The following GJA3 variants were observed in gnomAD, a reference collection of about 807,000 sequenced individuals.
The protein encoded by GJA3 is gap junction alpha-3 protein.
For missense variants in GJA3, 571 were observed against 620.3 expected (o/e 0.92, Z 0.84); for synonymous variants, 297 against 292.6 (o/e 1.02, Z -0.15).
chr13:20,158,643 G>A (rs1464367840), intron 1 of GJA3, among the ~76,000 whole-genome samples: 1 of 152,004 alleles, frequency 6.6e-6, no homozygotes, highest in East Asian at 1.9e-4. Flanking sequence ...TGGGCGCGGT[G>A]GCTCACGCCT....
At chr13:20,158,492 T>C (rs1958918127) in intron 1 of GJA3, among the ~76,000 whole-genome samples, 2 of 152,034 alleles carry the variant, frequency 1.3e-5, no homozygotes, top group Non-Finnish European at 2.9e-5. Context: ...TTTTTATATC[T>C]AGTATCATTA....
chr13:20,142,385 G>A lies in GJA3; in HGVS notation c.904C>T (p.Leu302=), dbSNP rs1261147295. The A allele has an allele frequency of 2.0e-6, 3 of 1,525,986 alleles. No homozygotes were observed. The highest frequency in any genetic ancestry group is 2.6e-6 in the Non-Finnish European group (3 of 1,137,178). The allele number at this position is 1,525,986 out of a possible 1,614,324, so 94.5% of individuals were successfully genotyped here. ...TGGCCCTTTCCGCGCGCCTCGGTCAGGGCTAGCAGTTTGAAGTCCGCGGCT... is the reference window on the plus strand; with the variant it reads ...TGGCCCTTTCCGCGCGCCTCGGTCAAGGCTAGCAGTTTGAAGTCCGCGGCT... ...PPAADFKLLA[L]TEARGKGQSA... Residue 302 remains leucine (L), a synonymous_variant, in exon 2 of 2, where the codon CTG becomes TTG. Transcript: ENST00000241125.
chr13:20,152,639 C>G (rs537896595), intron 1 of GJA3, among the ~76,000 whole-genome samples: 32 of 152,282 alleles, frequency 2.1e-4, no homozygotes, highest in African/African-American at 7.7e-4. Flanking sequence ...CTGCCTTGGT[C>G]TCCCAAAGTG....
In GJA3 at chr13:20,142,325, G is replaced by T; in HGVS notation, c.964C>A (p.Leu322Met). 1 of 1,571,732 alleles carries T rather than the reference G, an allele frequency of 6.4e-7. No individual in the cohort carries two copies. ...TTGGCCCAGTTCTGCTCAGTCATCA[G>T]CAGGTGGTGGTGGCCGTTGTAGAGC... is the stretch of plus-strand genomic sequence containing the variant. ...AKLYNGHHHLLMTEQNWANQA... is the reference protein window; with the variant it reads ...AKLYNGHHHLMMTEQNWANQA... Residue 322 changes from leucine (L) to methionine (M), a missense_variant, in exon 2 of 2, where the codon CTG becomes ATG. Transcript: ENST00000241125.
chr13:20,158,088 T>C (rs1161573510), intron 1 of GJA3, among the ~76,000 whole-genome samples: 2 of 152,154 alleles, frequency 1.3e-5, no homozygotes, highest in African/African-American at 4.8e-5. Flanking sequence ...TCCTCCTGCC[T>C]CAGCCTCCCA....
intron 1 of GJA3, among the ~76,000 whole-genome samples, chr13:20,159,752 G>A (rs1958926881): frequency 6.6e-6 from 1 of 152,176 alleles, no homozygotes; most frequent in South Asian, 2.1e-4. Flanking sequence ...AGCAACACAT[G>A]CATTGCCCTT....
chr13:20,159,333 T>A (rs1470506147), intron 1 of GJA3, among the ~76,000 whole-genome samples: 3 of 151,372 alleles, frequency 2.0e-5, no homozygotes, highest in African/African-American at 7.3e-5. Context: ...ATAGCTACCA[T>A]CCAGCGGAGG....
At chr13:20,154,349 AAG>A (rs1958896445) in intron 1 of GJA3, among the ~76,000 whole-genome samples, 2 of 152,206 alleles carry the variant, frequency 1.3e-5, no homozygotes, top group East Asian at 1.9e-4. Context: ...AGTTGTTCTG[AAG>A]AGTTTTTAAA....
rs149632604 is a variant in GJA3, at chr13:20,148,356, C to G, written c.-17-5051G>C. 1.8e-3 allele frequency among the ~76,000 whole-genome samples: 270 copies of G among 149,596 alleles called. 1 individual carries two copies. The highest frequency in any genetic ancestry group is 6.4e-3 in the African/African-American group (258 of 40,392). On this transcript the variant is annotated intron_variant, in intron 1 of 1. Coordinates refer to ENST00000241125, the MANE Select transcript of GJA3 (RefSeq NM_021954.4). ...TCACTGCAGCCTCAAATTCCCAGAG[C>G]TCCGGTGATTCTCCCACCTCAGCCT...
chr13:20,142,664 C>G lies in GJA3; in HGVS notation c.625G>C (p.Ala209Pro), dbSNP rs373316662. ...EKTIFIIFML[A>P]VACASLLLNM... ...AGCAGCAGGGACGCGCAGGCCACCG[C>G]CAGCATGAAGATGATGAAGATGGTC... Residue 209 changes from alanine to proline, a missense_variant, in exon 2 of 2, where the codon GCG (alanine) becomes CCG (proline). Physicochemically the swap from Ala to Pro is conservative, Grantham distance 27. Transcript: ENST00000241125. The G allele has an allele frequency of 6.2e-7, 1 of 1,613,898 alleles. No individual in the cohort carries two copies. Among genetic ancestry groups the G allele is most frequent in the African/African-American group, 1.3e-5 (1 of 75,054 alleles).
rs1008861631 is a variant in GJA3 at position 20,139,641 on chromosome 13, T to C, written c.*2340A>G. On this transcript the variant is annotated 3_prime_UTR_variant, in exon 2 of 2. Transcript: ENST00000241125. ...TCTATTGCAAAACCTCACTTCTTTA[T>C]AGATTAGTGATTTTCAAGTAGGTGA... 6.6e-6 allele frequency: 1 copy of C among 152,212 alleles called. No individual in the cohort carries two copies. Among genetic ancestry groups the C allele is most frequent in the Non-Finnish European group, 1.5e-5 (1 of 68,040 alleles). The allele number at this position is 152,212 out of a possible 1,614,324, so 9.4% of individuals were successfully genotyped here. A position where few individuals can be genotyped will look rare whatever the true frequency, so the allele number is the denominator to read the frequency against.
At chr13:20,158,579 A>G (rs1252328980) in intron 1 of GJA3, among the ~76,000 whole-genome samples, 1 of 152,056 alleles carries the variant, frequency 6.6e-6, no homozygotes, top group East Asian at 1.9e-4. Flanking sequence ...AACTATTCAC[A>G]TCAACCATTA....
chr13:20,157,780 T>C (rs1465299419), intron 1 of GJA3, among the ~76,000 whole-genome samples: 1 of 152,204 alleles, frequency 6.6e-6, no homozygotes, highest in Non-Finnish European at 1.5e-5. Context: ...CAGTCCAGAC[T>C]GTCTCAAGGG....
At chr13:20,150,419 TG>T (rs1200995622) in intron 1 of GJA3, among the ~76,000 whole-genome samples, 1 of 151,118 alleles carries the variant, frequency 6.6e-6, no homozygotes, top group African/African-American at 2.4e-5. Context: ...TCTGGCAGTG[TG>T]GGGACTAAGA....
chr13:20,144,855 G>A (rs1958832785), intron 1 of GJA3, among the ~76,000 whole-genome samples: 1 of 152,222 alleles, frequency 6.6e-6, no homozygotes, highest in South Asian at 2.1e-4. Flanking sequence ...GTCTCCAGTG[G>A]AACCAAAGAA....
chr13:20,144,784 G>A (rs1375805057), intron 1 of GJA3, among the ~76,000 whole-genome samples: 1 of 152,218 alleles, frequency 6.6e-6, no homozygotes, highest in African/African-American at 2.4e-5. Flanking sequence ...GCTGGGAATG[G>A]GAACAGAAAA....
At chr13:20,156,278 T>C (rs889006003) in intron 1 of GJA3, among the ~76,000 whole-genome samples, 1 of 152,184 alleles carries the variant, frequency 6.6e-6, no homozygotes, top group African/African-American at 2.4e-5. Flanking sequence ...TTACCTTTTA[T>C]AACTTAAAAT....
Position 20,141,928 on chromosome 13 carries a change from G to C in GJA3, c.*53C>G. 6.5e-7 allele frequency: 1 copy of C among 1,538,776 alleles called. No individual in the cohort carries two copies. The highest frequency in any genetic ancestry group is 8.8e-7 in the Non-Finnish European group (1 of 1,138,146). ...CTGGTGGGAAGTGCACTTTGGTTTT[G>C]GTTTCTAAGAAAAAGATCACTACAC... On this transcript the variant is annotated 3_prime_UTR_variant, in exon 2 of 2. Transcript: ENST00000241125.
chr13:20,150,357 G>A (rs984762140), intron 1 of GJA3, among the ~76,000 whole-genome samples: 1 of 144,604 alleles, frequency 6.9e-6, no homozygotes, highest in Non-Finnish European at 1.5e-5. Context: ...AGGGAGGCAG[G>A]AGACCACTGC....
Sources: allele counts gnomAD v4.1 joint callset (sites outside exome capture counted in the v4.1 genomes callset), GRCh38; gene constraint gnomAD v4.1.1; transcripts MANE v1.5; gene names NCBI Gene and HGNC (gene_info 2026-07-23, HGNC 2026-07-21).